PROB1: variants seen among roughly 807,000 people sequenced by gnomAD.
The protein encoded by PROB1 is proline rich basic protein 1, also known as proline-rich basic protein 1.
For synonymous variants in PROB1, 660 were observed against 699.3 expected (o/e 0.94, Z 0.89); for missense variants, 1,453 against 1,485.7 (o/e 0.98, Z 0.36).
Position 139,394,644 on chromosome 5 carries a change from C to T in PROB1, c.438G>A (p.Pro146=), listed in dbSNP as rs1403639595. 5 of 1,534,658 alleles carry T rather than the reference C, an allele frequency of 3.3e-6. No individual in the cohort carries two copies. In the East Asian group the frequency reaches 1.2e-4, roughly 38 times the overall value. The change falls in exon 1 of 1, where the codon CCG becomes CCA. Residue 146 remains proline, a synonymous_variant. Transcript: ENST00000434752. ...GGACCGCGGCGGGAGACGCTGGCCC[C>T]GGCGGCAAGGGGCTGATGAAGGCCG... ...TEPAFISPLP[P]GPASPAAVPR...
At position 139,392,616 on chromosome 5, in the gene PROB1, A is replaced by T. The variant is rs1758617501; in HGVS notation, c.2466T>A (p.Pro822=). The T allele has an allele frequency of 5.1e-6, 7 of 1,376,010 alleles. No homozygotes were observed. The highest frequency in any genetic ancestry group is 5.6e-6 in the Non-Finnish European group (6 of 1,067,814). The allele number at this position is 1,376,010 out of a possible 1,614,324, so 85.2% of individuals were successfully genotyped here. Reference sequence around the variant, plus strand: ...CGGCAGCCGCGGGCTCGGGGGCCGTAGGTGGTGTCTTCGGTTTGGGTGCTA... The same window carrying T: ...CGGCAGCCGCGGGCTCGGGGGCCGTTGGTGGTGTCTTCGGTTTGGGTGCTA... The part of the protein sequence containing the change: ...PGIAPKPKTP[P]TAPEPAAAVQ... The change falls in exon 1 of 1, where the codon CCT becomes CCA. Residue 822 remains proline, a synonymous_variant. Transcript: ENST00000434752. This position sits in a 1 kb window ranked among gnomAD's most constrained non-coding sequence, Gnocchi z 5.8.
rs1166548182 is a variant in PROB1 at position 139,394,176 on chromosome 5, T to A, written c.906A>T (p.Val302=). 9.7e-6 allele frequency: 15 copies of A among 1,546,350 alleles called. No individual in the cohort carries two copies. In the South Asian group the frequency reaches 1.7e-4, roughly 17 times the overall value. Residue 302 remains valine (V), a synonymous_variant, in exon 1 of 1, where the codon GTA becomes GTT. Transcript: ENST00000434752. ...CCTTGGCGGGGGCCGAATTATCTCG[T>A]ACGCGAAGTGGCCGAGACTTAGCCT... ...LEKAKSRPLR[V]RDNSAPAKAP... is the part of the protein sequence containing the mutation.
Position 139,393,621 on chromosome 5 carries a change from C to T in PROB1, c.1461G>A (p.Ala487=). Residue 487 remains alanine, a synonymous_variant, in exon 1 of 1, where the codon GCG becomes GCA. Transcript: ENST00000434752. ...SLWEIPHSAV[A]DAVEPRSSPS... is the part of the protein sequence containing the mutation. ...GGCTGCTACGTGGCTCCACCGCATCCGCGACTGCCGAATGTGGAATCTCCC... is the reference window on the plus strand; with the variant it reads ...GGCTGCTACGTGGCTCCACCGCATCTGCGACTGCCGAATGTGGAATCTCCC... The T allele has an allele frequency of 2.6e-6, 4 of 1,550,658 alleles. No individual in the cohort carries two copies. Among genetic ancestry groups the T allele is most frequent in the Non-Finnish European group, 3.5e-6 (4 of 1,146,846 alleles).
Position 139,391,896 on chromosome 5 carries a change from G to A in PROB1, c.*138C>T. 1.4e-6 allele frequency: 1 copy of A among 710,676 alleles called. No individual in the cohort carries two copies. Among genetic ancestry groups the A allele is most frequent in the East Asian group, 3.4e-5 (1 of 29,326 alleles). The allele number at this position is 710,676 out of a possible 1,614,324, so 44.0% of individuals were successfully genotyped here. A position where few individuals can be genotyped will look rare whatever the true frequency, so the allele number is the denominator to read the frequency against. ...GCCTCGGGGCTCAGATTCATTCTCT[G>A]AAGATCACTTCCTGTCCGACGACTG... On this transcript the variant is annotated 3_prime_UTR_variant, in exon 1 of 1. Coordinates refer to ENST00000434752, the MANE Select transcript of PROB1 (RefSeq NM_001161546.2). This position sits in a 1 kb window ranked among gnomAD's most constrained non-coding sequence, Gnocchi z 4.8.
In PROB1 at chr5:139,392,653, G is replaced by T; in HGVS notation, c.2429C>A (p.Pro810Gln). ...CGGTTTGGGTGCTATCCCAGGGCTC[G>T]GGCTGGCTTGCATCTGAGGGGAGCC... ...RPGSPQMQASPSPGIAPKPKT... is the reference protein window; with the variant it reads ...RPGSPQMQASQSPGIAPKPKT... The change falls in exon 1 of 1, where the codon CCG becomes CAG. Residue 810 changes from proline to glutamine, a missense_variant. Coordinates refer to ENST00000434752, the MANE Select transcript of PROB1 (RefSeq NM_001161546.2). This position sits in a 1 kb window ranked among gnomAD's most constrained non-coding sequence, Gnocchi z 5.8. The T allele has an allele frequency of 1.4e-6, 2 of 1,389,326 alleles. No individual in the cohort carries two copies. 86.1% of individuals were successfully genotyped at this position (1,389,326 alleles called of 1,614,324 possible). A position where few individuals can be genotyped will look rare whatever the true frequency, so the allele number is the denominator to read the frequency against.
Position 139,391,784 on chromosome 5 carries a change from C to T in PROB1, c.*250G>A. 2 of 396,118 alleles carry T rather than the reference C, an allele frequency of 5.0e-6. No homozygotes were observed. The highest frequency in any genetic ancestry group is 8.9e-6 in the Non-Finnish European group (2 of 224,276). The allele number at this position is 396,118 out of a possible 1,614,324, so 24.5% of individuals were successfully genotyped here. ...CACACCCACACACCACACCACACCACGCCCTGGGAATGCCTGGGAAAGGGA... is the reference window on the plus strand; with the variant it reads ...CACACCCACACACCACACCACACCATGCCCTGGGAATGCCTGGGAAAGGGA... On this transcript the variant is annotated 3_prime_UTR_variant, in exon 1 of 1. Transcript: ENST00000434752. The surrounding 1 kb of genome is among the most constrained non-coding windows in gnomAD (Gnocchi z 4.8).
In PROB1 at chr5:139,394,825, G is replaced by C. The variant is rs771011542; in HGVS notation, c.257C>G (p.Ser86Trp). 4.6e-6 allele frequency: 7 copies of C among 1,530,458 alleles called. No individual in the cohort carries two copies. The East Asian group carries it at 7.7e-5, about 17-fold the overall frequency. 94.8% of individuals were successfully genotyped at this position (1,530,458 alleles called of 1,614,324 possible). A position where few individuals can be genotyped will look rare whatever the true frequency, so the allele number is the denominator to read the frequency against. The change falls in exon 1 of 1, where the codon TCG (serine) becomes TGG (tryptophan). Residue 86 changes from serine to tryptophan, a missense_variant. Transcript: ENST00000434752. ...GGAACCTGGGCCTCGCGGGAAACCC[G>C]AGCCGGGCCCGTGCCGCTGGCGGCT... The part of the protein sequence containing the change: ...QNSRQRHGPG[S>W]GFPRGPGSGP...
chr5:139,392,929 C>T lies in PROB1; in HGVS notation c.2153G>A (p.Arg718Gln), dbSNP rs1001568333. Residue 718 changes from arginine (R) to glutamine (Q), a missense_variant, in exon 1 of 1, where the codon CGG (arginine) becomes CAG (glutamine). Coordinates refer to ENST00000434752, the MANE Select transcript of PROB1 (RefSeq NM_001161546.2). This position sits in a 1 kb window ranked among gnomAD's most constrained non-coding sequence, Gnocchi z 5.8. ...CTTCGCCGTGCTGTTCTCTGCCCTC[C>T]GCCGCAGGACCCCGTTGGGCTGTGA... ...DASQPNGVLRRRAENSTAKPF... is the reference protein window; with the variant it reads ...DASQPNGVLRQRAENSTAKPF... 13 of 1,525,202 alleles carry T rather than the reference C, an allele frequency of 8.5e-6. No homozygotes were observed. Among genetic ancestry groups the T allele is most frequent in the Non-Finnish European group, 1.1e-5 (13 of 1,131,834 alleles). 94.5% of individuals were successfully genotyped at this position (1,525,202 alleles called of 1,614,324 possible).
chr5:139,392,607 GGGGGCCGTA>G lies in PROB1; in HGVS notation c.2466_2474del (p.Thr823_Pro825del). The G allele has an allele frequency of 7.3e-7, 1 of 1,370,394 alleles. No homozygotes were observed. The highest frequency in any genetic ancestry group is 9.4e-7 in the Non-Finnish European group (1 of 1,065,232). The allele number at this position is 1,370,394 out of a possible 1,614,324, so 84.9% of individuals were successfully genotyped here. On this transcript the variant is annotated inframe_deletion, in exon 1 of 1. Coordinates refer to ENST00000434752, the MANE Select transcript of PROB1 (RefSeq NM_001161546.2). This position sits in a 1 kb window ranked among gnomAD's most constrained non-coding sequence, Gnocchi z 5.8. ...GCGCCTGGACGGCAGCCGCGGGCTC[GGGGGCCGTA>G]GGTGGTGTCTTCGGTTTGGGTGCTA... is the stretch of plus-strand genomic sequence containing the variant.
chr5:139,394,099 G>C lies in PROB1; in HGVS notation c.983C>G (p.Pro328Arg). ...ACCCAGCGGCTCCGTCCCGGGCGCA[G>C]GCTTGTCGCGCCGAATCGCGCGCTC... is the stretch of plus-strand genomic sequence containing the variant. ...LRERAIRRDK[P>R]APGTEPLGPV... Residue 328 changes from proline (P) to arginine (R), a missense_variant, in exon 1 of 1, where the codon CCT becomes CGT. By Grantham distance (103) the Pro-to-Arg change is moderately radical. Transcript: ENST00000434752. 4 of 1,549,292 alleles carry C rather than the reference G, an allele frequency of 2.6e-6. No homozygotes were observed. The highest frequency in any genetic ancestry group is 3.5e-6 in the Non-Finnish European group (4 of 1,146,048).
In PROB1 at chr5:139,394,349, G is replaced by A. The variant is rs1449582064; in HGVS notation, c.733C>T (p.Gln245Ter). ...GTCTGCACGAAGCCCGCGGCGGCCT[G>A]CAGGGGGCCCAGCGACTCGTCCAGG... ...GSLDESLGPLQAAAGFVQTAL... is the reference protein window; with the variant it reads ...GSLDESLGPL Residue 245 changes from glutamine to a stop codon, truncating the protein, a stop_gained, in exon 1 of 1, where the codon CAG becomes TAG. Coordinates refer to ENST00000434752, the MANE Select transcript of PROB1 (RefSeq NM_001161546.2). LOFTEE classifies it low-confidence loss of function (END_TRUNC). 4 of 1,426,536 alleles carry A rather than the reference G, an allele frequency of 2.8e-6. No homozygotes were observed. Among genetic ancestry groups the A allele is most frequent in the Non-Finnish European group, 3.6e-6 (4 of 1,096,642 alleles). The allele number at this position is 1,426,536 out of a possible 1,614,324, so 88.4% of individuals were successfully genotyped here.
rs1758605591 is a variant in PROB1 at position 139,391,934 on chromosome 5, TAA to T, written c.*98_*99del. The T allele has an allele frequency of 9.9e-7, 1 of 1,006,594 alleles. No homozygotes were observed. 62.4% of individuals were successfully genotyped at this position (1,006,594 alleles called of 1,614,324 possible). A position where few individuals can be genotyped will look rare whatever the true frequency, so the allele number is the denominator to read the frequency against. On this transcript the variant is annotated 3_prime_UTR_variant, in exon 1 of 1. Transcript: ENST00000434752. The surrounding 1 kb of genome is among the most constrained non-coding windows in gnomAD (Gnocchi z 4.8). ...TGTCCGACGACTGACTGGGATGGGT[TAA>T]AGACAGAGGCGACGGAAGGAGAGGA...
Position 139,392,531 on chromosome 5 carries a change from G to C in PROB1, c.2551C>G (p.Pro851Ala). 1.5e-6 allele frequency: 2 copies of C among 1,351,700 alleles called. No individual in the cohort carries two copies. The highest frequency in any genetic ancestry group is 1.9e-6 in the Non-Finnish European group (2 of 1,057,134). The allele number at this position is 1,351,700 out of a possible 1,614,324, so 83.7% of individuals were successfully genotyped here. The change falls in exon 1 of 1, where the codon CCC becomes GCC. Residue 851 changes from proline (P) to alanine (A), a missense_variant. Physicochemically the swap from Pro to Ala is conservative, Grantham distance 27. Coordinates refer to ENST00000434752, the MANE Select transcript of PROB1 (RefSeq NM_001161546.2). This position sits in a 1 kb window ranked among gnomAD's most constrained non-coding sequence, Gnocchi z 5.8. Reference sequence around the variant, plus strand: ...GTGGGAGGCGCCGAGGCAGCGCGGGGCTGGGCTGGGGCCGTCCTGCCCGCC... The same window carrying C: ...GTGGGAGGCGCCGAGGCAGCGCGGGCCTGGGCTGGGGCCGTCCTGCCCGCC... ...ALAGRTAPAQ[P>A]RAASAPPTDR...
Position 139,392,821 on chromosome 5 carries a change from C to T in PROB1, c.2261G>A (p.Arg754His), listed in dbSNP as rs1213165773. The T allele has an allele frequency of 6.6e-7, 1 of 1,519,750 alleles. No homozygotes were observed. Among genetic ancestry groups the T allele is most frequent in the Admixed American group, 2.2e-5 (1 of 46,238 alleles). The allele number at this position is 1,519,750 out of a possible 1,614,324, so 94.1% of individuals were successfully genotyped here. ...RPEVTSRVRA[R>H]GPGGENRDVE... Reference sequence around the variant, plus strand: ...ATCCCTGTTCTCTCCTCCAGGGCCGCGCGCTCGCACTCGCGAGGTTACCTC... The same window carrying T: ...ATCCCTGTTCTCTCCTCCAGGGCCGTGCGCTCGCACTCGCGAGGTTACCTC... Residue 754 changes from arginine (R) to histidine (H), a missense_variant, in exon 1 of 1, where the codon CGC becomes CAC. Arg to His is a conservative substitution (Grantham distance 29). Coordinates refer to ENST00000434752, the MANE Select transcript of PROB1 (RefSeq NM_001161546.2). The surrounding 1 kb of genome is among the most constrained non-coding windows in gnomAD (Gnocchi z 5.8).
chr5:139,392,342 C>T lies in PROB1; in HGVS notation c.2740G>A (p.Val914Met). 1 of 1,534,660 alleles carries T rather than the reference C, an allele frequency of 6.5e-7. No individual in the cohort carries two copies. Among genetic ancestry groups the T allele is most frequent in the African/African-American group, 1.4e-5 (1 of 72,028 alleles). Reference sequence around the variant, plus strand: ...GACGAGGGCGGCAGCAACACCTCCACGTACTGCCCACTCTCAGGGTCGAAG... The same window carrying T: ...GACGAGGGCGGCAGCAACACCTCCATGTACTGCCCACTCTCAGGGTCGAAG... ...VLFDPESGQY[V>M]EVLLPPSSPG... The change falls in exon 1 of 1, where the codon GTG becomes ATG. Residue 914 changes from valine to methionine, a missense_variant. Transcript: ENST00000434752. This position sits in a 1 kb window ranked among gnomAD's most constrained non-coding sequence, Gnocchi z 5.8.
rs1033410118 is a variant in PROB1 at position 139,394,342 on chromosome 5, G to T, written c.740C>A (p.Ala247Asp). The part of the protein sequence containing the change: ...LDESLGPLQA[A>D]AGFVQTALAR... ...CAACGCCGTCTGCACGAAGCCCGCG[G>T]CGGCCTGCAGGGGGCCCAGCGACTC... Residue 247 changes from alanine (A) to aspartate (D), a missense_variant, in exon 1 of 1, where the codon GCC (alanine) becomes GAC (aspartate). Ala to Asp is a moderately radical substitution (Grantham distance 126, BLOSUM62 -2). Coordinates refer to ENST00000434752, the MANE Select transcript of PROB1 (RefSeq NM_001161546.2). 3 of 1,438,678 alleles carry T rather than the reference G, an allele frequency of 2.1e-6. No individual in the cohort carries two copies. In the African/African-American group the frequency reaches 4.4e-5, roughly 21 times the overall value. The allele number at this position is 1,438,678 out of a possible 1,614,324, so 89.1% of individuals were successfully genotyped here.
In PROB1 at chr5:139,393,920, C is replaced by T. The variant is rs563858692; in HGVS notation, c.1162G>A (p.Val388Met). 1.3e-6 allele frequency: 2 copies of T among 1,551,038 alleles called. No homozygotes were observed. Among genetic ancestry groups the T allele is most frequent in the African/African-American group, 2.7e-5 (2 of 73,196 alleles). The change falls in exon 1 of 1, where the codon GTG becomes ATG. Residue 388 changes from valine to methionine, a missense_variant. Val to Met is a conservative substitution (Grantham distance 21). Transcript: ENST00000434752. ...RIPSEVPSRA[V>M]RPRSPSPPRQ... is the part of the protein sequence containing the mutation. ...GGCGGGGACGGGCTCCTTGGCCTCA[C>T]AGCCCTACTCGGAACCTCCGAGGGG...
Position 139,393,493 on chromosome 5 carries a change from G to C in PROB1, c.1589C>G (p.Ser530Trp). 6.4e-7 allele frequency: 1 copy of C among 1,551,574 alleles called. No homozygotes were observed. The highest frequency in any genetic ancestry group is 8.7e-7 in the Non-Finnish European group (1 of 1,146,982). ...ETWDPMGPGS[S>W]IAFTQEAQNG... is the part of the protein sequence containing the mutation. ...CTGAGCTTCCTGAGTAAATGCTATC[G>C]ATGAGCCCGGCCCCATGGGATCCCA... The change falls in exon 1 of 1, where the codon TCG becomes TGG. Residue 530 changes from serine (S) to tryptophan (W), a missense_variant. By Grantham distance (177) the Ser-to-Trp change is radical. Coordinates refer to ENST00000434752, the MANE Select transcript of PROB1 (RefSeq NM_001161546.2).
chr5:139,392,707 C>CCTACGGGGGAGCGCTGGGATGAG lies in PROB1; in HGVS notation c.2352_2374dup (p.Gly792AlafsTer8). The CCTACGGGGGAGCGCTGGGATGAG allele has an allele frequency of 7.1e-7, 1 of 1,406,950 alleles. No individual in the cohort carries two copies. The highest frequency in any genetic ancestry group is 9.3e-7 in the Non-Finnish European group (1 of 1,080,690). 87.2% of individuals were successfully genotyped at this position (1,406,950 alleles called of 1,614,324 possible). A position where few individuals can be genotyped will look rare whatever the true frequency, so the allele number is the denominator to read the frequency against. On this transcript the variant is annotated stop_gained and frameshift_variant, in exon 1 of 1. Coordinates refer to ENST00000434752, the MANE Select transcript of PROB1 (RefSeq NM_001161546.2). LOFTEE classifies it low-confidence loss of function (END_TRUNC). This position sits in a 1 kb window ranked among gnomAD's most constrained non-coding sequence, Gnocchi z 5.8. ...GCGGGGCGATCGGACCCCTGCTGGC[C>CCTACGGGGGAGCGCTGGGATGAG]CTACGGGGGAGCGCTGGGATGAGCT... is the stretch of plus-strand genomic sequence containing the variant.
Sources: allele counts gnomAD v4.1 joint callset, GRCh38; gene constraint gnomAD v4.1.1; non-coding constraint Gnocchi (gnomAD v3.1); transcripts MANE v1.5; gene names NCBI Gene and HGNC (gene_info 2026-07-23, HGNC 2026-07-21).